Variants in SLC24A2 observed in about 807,000 individuals in gnomAD.
SLC24A2 encodes the protein solute carrier family 24 member 2, also known as sodium/potassium/calcium exchanger 2.
In SLC24A2, 36 loss-of-function variants were observed where a neutral mutation model predicts 62.0. That is an observed-to-expected ratio of 0.58 (90% CI 0.44 to 0.77). The LOEUF (loss-of-function observed/expected upper bound fraction) is 0.77. SLC24A2 is among the 30% of genes least tolerant of loss of function. SLC24A2 has a pLI of 0.00. For missense variants in SLC24A2, 846 were observed against 817.9 expected (o/e 1.03, Z -0.42); for synonymous variants, 358 against 294.0 (o/e 1.22, Z -2.23).
chr9:19,614,075 T>G lies in SLC24A2; in HGVS notation c.1078+5509A>C, dbSNP rs187104677. ...AATGGTAGGAGAAGATACTTCTCAC[T>G]GCAAAACTGCAACATCCAGCATCCT... On this transcript the variant is annotated intron_variant, in intron 4 of 10. Coordinates refer to ENST00000341998, the MANE Select transcript of SLC24A2 (RefSeq NM_020344.4). 2.3e-4 allele frequency among the ~76,000 whole-genome samples: 35 copies of G among 152,320 alleles called. No homozygotes were observed. In the East Asian group the frequency reaches 6.2e-3, roughly 27 times the overall value.
At chr9:20,117,002 G>A in the SLC24A2 span, among the ~76,000 whole-genome samples, 2 of 152,076 alleles carry the variant, frequency 1.3e-5, no homozygotes, top group African/African-American at 4.8e-5. Flanking sequence ...TCAACCCCCA[G>A]GAAATATACC....
the SLC24A2 span, among the ~76,000 whole-genome samples, chr9:20,059,438 T>C: frequency 6.6e-6 from 1 of 152,154 alleles, no homozygotes; most frequent in East Asian, 1.9e-4. Context: ...AAGATTGAAA[T>C]CTTACAAAAT....
the SLC24A2 span, among the ~76,000 whole-genome samples, chr9:19,977,077 T>C: frequency 6.6e-6 from 1 of 152,034 alleles, no homozygotes; most frequent in South Asian, 2.1e-4. Context: ...TTTTGTGACA[T>C]CTTTGAACGT....
At chr9:19,749,817 C>T (rs1164538980) in intron 2 of SLC24A2, among the ~76,000 whole-genome samples, 1 of 152,218 alleles carries the variant, frequency 6.6e-6, no homozygotes, top group African/African-American at 2.4e-5. Flanking sequence ...CATGCAGCAG[C>T]AGCTAGTCCA....
the SLC24A2 span, among the ~76,000 whole-genome samples, chr9:19,824,425 A>T: frequency 6.6e-6 from 1 of 152,228 alleles, no homozygotes; most frequent in African/African-American, 2.4e-5. Flanking sequence ...AAAAAAGCTC[A>T]TCATCACTGG....
chr9:19,934,468 G>A, the SLC24A2 span, among the ~76,000 whole-genome samples: 9 of 151,908 alleles, frequency 5.9e-5, no homozygotes, highest in Non-Finnish European at 1.3e-4. The surrounding 1 kb of genome is among the most constrained non-coding windows in gnomAD (Gnocchi z 4.1). Flanking sequence ...AGGACCCCAA[G>A]CAAATCCTGG....
intron 2 of SLC24A2, among the ~76,000 whole-genome samples, chr9:19,680,851 TTGTGTGTGTGTGTGTG>T (rs72142691): frequency 6.8e-6 from 1 of 146,966 alleles, no homozygotes; most frequent in Admixed American, 6.8e-5. Context: ...TATACCAGAG[TTGTGTGTGTGTGTGTG>T]TGTGTGTGTG....
the SLC24A2 span, among the ~76,000 whole-genome samples, chr9:19,931,898 C>G: frequency 6.6e-6 from 1 of 151,822 alleles, no homozygotes; most frequent in Non-Finnish European, 1.5e-5. Context: ...ATAGACTGAA[C>G]TGGGTTTTTA....
the SLC24A2 span, among the ~76,000 whole-genome samples, chr9:19,826,145 G>T: frequency 8.1e-6 from 1 of 122,774 alleles, no homozygotes; most frequent in Non-Finnish European, 1.6e-5. Context: ...AAATATGACA[G>T]AAGTAGTTTC....
chr9:20,234,229 A>T, the SLC24A2 span, among the ~76,000 whole-genome samples: 1 of 152,086 alleles, frequency 6.6e-6, no homozygotes, highest in African/African-American at 2.4e-5. Context: ...CTCGAGGAGT[A>T]TCTTTGTGGC....
the SLC24A2 span, among the ~76,000 whole-genome samples, chr9:19,820,622 A>C: frequency 6.6e-6 from 1 of 151,982 alleles, no homozygotes; most frequent in Non-Finnish European, 1.5e-5. Flanking sequence ...TAAAAAAATT[A>C]CCAGGGTGAT....
the SLC24A2 span, among the ~76,000 whole-genome samples, chr9:19,961,816 C>A: frequency 1.3e-5 from 2 of 152,136 alleles, no homozygotes; most frequent in African/African-American, 4.8e-5. Context: ...CCATGGGAAG[C>A]CCATGTGATG....
At chr9:19,754,188 AG>A (rs1421248080) in intron 2 of SLC24A2, among the ~76,000 whole-genome samples, 2 of 152,186 alleles carry the variant, frequency 1.3e-5, no homozygotes, top group Non-Finnish European at 2.9e-5. Flanking sequence ...CCTCAGTGGC[AG>A]GGTAGAAGAA....
chr9:20,161,996 T>C, the SLC24A2 span, among the ~76,000 whole-genome samples: 8 of 151,896 alleles, frequency 5.3e-5, no homozygotes, highest in African/African-American at 1.9e-4. Context: ...ACTCTGTCTA[T>C]ATGCAGATGG....
At chr9:19,589,256 T>C (rs1247800742) in intron 5 of SLC24A2, among the ~76,000 whole-genome samples, 1 of 152,146 alleles carries the variant, frequency 6.6e-6, no homozygotes, top group African/African-American at 2.4e-5. Flanking sequence ...GAACCAACCA[T>C]GGAACAGCCA....
At chr9:20,073,807 T>C in the SLC24A2 span, among the ~76,000 whole-genome samples, 1 of 151,324 alleles carries the variant, frequency 6.6e-6, no homozygotes, top group Middle Eastern at 3.5e-3. Context: ...ATACATTGTG[T>C]ATGTATATGT....
chr9:20,014,840 T>TAGC, the SLC24A2 span, among the ~76,000 whole-genome samples: 952 of 152,194 alleles, frequency 6.3e-3, 6 homozygotes, highest in Non-Finnish European at 0.011. Context: ...TTATAGTCAA[T>TAGC]AGCTATGTAT....
At chr9:20,039,401 G>A in the SLC24A2 span, among the ~76,000 whole-genome samples, 5 of 151,816 alleles carry the variant, frequency 3.3e-5, no homozygotes, top group African/African-American at 9.7e-5. Flanking sequence ...AAGGTTGGGA[G>A]GGAAACCCAG....
intron 2 of SLC24A2, among the ~76,000 whole-genome samples, chr9:19,625,620 G>T (rs899746065): frequency 1.3e-5 from 2 of 151,964 alleles, no homozygotes; most frequent in African/African-American, 4.8e-5. Flanking sequence ...CACTTAAATT[G>T]AGCAACTGGA....
Sources: allele counts gnomAD v4.1 joint callset (sites outside exome capture counted in the v4.1 genomes callset), GRCh38; gene constraint gnomAD v4.1.1; non-coding constraint Gnocchi (gnomAD v3.1); transcripts MANE v1.5; gene names NCBI Gene and HGNC (gene_info 2026-07-23, HGNC 2026-07-21).